EML1: variants seen among roughly 807,000 people sequenced by gnomAD.
EML1 encodes echinoderm microtubule-associated protein-like 1.
EML1 carries 27 observed loss-of-function variants against 110.4 expected under a neutral mutation model. That is an observed-to-expected ratio of 0.24 (90% CI 0.18 to 0.34). The LOEUF is 0.34. Ranked by LOEUF, EML1 falls within the 10% of genes least tolerant of loss-of-function variation. The pLI is 1.00. For missense variants in EML1, 741 were observed against 1,030.9 expected (o/e 0.72, Z 3.85); for synonymous variants, 344 against 385.8 (o/e 0.89, Z 1.27).
At chr14:99,915,072 G>A (rs141962090) in intron 15 of EML1, 8 of 264,464 alleles carry the variant, frequency 3.0e-5, no homozygotes, top group South Asian at 2.4e-4. Flanking sequence ...CTAAACACAC[G>A]ATTGAATATA....
intron 4 of EML1, among the ~76,000 whole-genome samples, chr14:99,885,378 A>G (rs1025455418): frequency 6.6e-6 from 1 of 152,230 alleles, no homozygotes; most frequent in African/African-American, 2.4e-5. Context: ...ACACAGTGTT[A>G]AATATTGGTG....
chr14:99,840,718 A>C (rs751674895), intron 1 of EML1, among the ~76,000 whole-genome samples: 5 of 152,240 alleles, frequency 3.3e-5, no homozygotes, highest in Non-Finnish European at 7.3e-5. Flanking sequence ...TCAGATAACA[A>C]TGTCTTAGTA....
At chr14:99,765,981 G>A (rs968845678) in intron 1 of EML1, among the ~76,000 whole-genome samples, 2 of 152,048 alleles carry the variant, frequency 1.3e-5, no homozygotes, top group Non-Finnish European at 2.9e-5. Context: ...CATGGCTAAC[G>A]ATTAATGGTT....
intron 1 of EML1, among the ~76,000 whole-genome samples, chr14:99,764,883 G>A (rs1257563396): frequency 2.0e-5 from 3 of 152,270 alleles, no homozygotes; most frequent in Non-Finnish European, 4.4e-5. Context: ...TTTTACTATA[G>A]CAAAATATAT....
At chr14:99,840,545 C>T (rs2058616498) in intron 1 of EML1, among the ~76,000 whole-genome samples, 1 of 152,168 alleles carries the variant, frequency 6.6e-6, no homozygotes, top group African/African-American at 2.4e-5. Context: ...AAAGCTTAGG[C>T]CCTGACATAC....
intron 1 of EML1, among the ~76,000 whole-genome samples, chr14:99,777,789 G>A (rs1413038279): frequency 6.6e-6 from 1 of 152,044 alleles, no homozygotes; most frequent in Non-Finnish European, 1.5e-5. Flanking sequence ...GCATTTTTGT[G>A]GGGCAGTTTG....
intron 16 of EML1, among the ~76,000 whole-genome samples, chr14:99,919,494 G>A (rs1423397906): frequency 6.7e-6 from 1 of 150,348 alleles, no homozygotes; most frequent in Non-Finnish European, 1.5e-5. Flanking sequence ...CTTTGAGACA[G>A]GTAAACCTTC....
At chr14:99,783,196 G>A (rs1454969674) in intron 1 of EML1, among the ~76,000 whole-genome samples, 3 of 131,118 alleles carry the variant, frequency 2.3e-5, no homozygotes, top group Non-Finnish European at 4.6e-5. Flanking sequence ...CTGTGTCCAA[G>A]TGTTCTCATT....
chr14:99,902,785 A>G (rs2059783333), intron 9 of EML1, among the ~76,000 whole-genome samples: 1 of 152,178 alleles, frequency 6.6e-6, no homozygotes, highest in African/African-American at 2.4e-5. Flanking sequence ...GGGTCCCAAG[A>G]TAACTTGGGG....
chr14:99,902,773 G>A (rs142467962), intron 9 of EML1, among the ~76,000 whole-genome samples: 4 of 152,078 alleles, frequency 2.6e-5, no homozygotes, highest in African/African-American at 9.7e-5. Flanking sequence ...TCTCCTCTTG[G>A]GGGGTCCCAA....
At chr14:99,785,347 G>A (rs555209968) in intron 1 of EML1, among the ~76,000 whole-genome samples, 6 of 152,250 alleles carry the variant, frequency 3.9e-5, no homozygotes, top group Admixed American at 1.3e-4. Flanking sequence ...TAGCCACCGC[G>A]CCCAGCCTCC....
intron 1 of EML1, among the ~76,000 whole-genome samples, chr14:99,756,347 G>A (rs565189461): frequency 6.6e-6 from 1 of 152,346 alleles, no homozygotes; most frequent in South Asian, 2.1e-4. Flanking sequence ...CCCTGCTGAT[G>A]TAGCAAGGCG....
At chr14:99,800,364 T>A (rs1480677313) in intron 1 of EML1, among the ~76,000 whole-genome samples, 1 of 152,012 alleles carries the variant, frequency 6.6e-6, no homozygotes, top group African/African-American at 2.4e-5. Context: ...GTTTAATTAA[T>A]TATTTATTTT....
chr14:99,885,674 G>C (rs1370768632), intron 4 of EML1, among the ~76,000 whole-genome samples: 1 of 152,162 alleles, frequency 6.6e-6, no homozygotes, highest in Non-Finnish European at 1.5e-5. Context: ...ATTTCAAAAT[G>C]ATAAGTGCTA....
intron 10 of EML1, among the ~76,000 whole-genome samples, chr14:99,908,473 T>C (rs1454405233): frequency 6.6e-6 from 1 of 152,258 alleles, no homozygotes; most frequent in African/African-American, 2.4e-5. Context: ...CCTTGTATTC[T>C]AACCAGGTCT....
intron 15 of EML1, chr14:99,915,071 C>T (rs555556186): frequency 3.4e-5 from 9 of 265,234 alleles, no homozygotes; most frequent in Middle Eastern, 1.3e-3. Flanking sequence ...ACTAAACACA[C>T]GATTGAATAT....
chr14:99,834,023 T>A (rs934294446), intron 1 of EML1, among the ~76,000 whole-genome samples: 2 of 152,212 alleles, frequency 1.3e-5, no homozygotes, highest in Non-Finnish European at 2.9e-5. Context: ...AATATTGAAA[T>A]GTGTGATATT....
chr14:99,749,296 G>C (rs569402927), intron 1 of EML1, among the ~76,000 whole-genome samples: 35 of 152,284 alleles, frequency 2.3e-4, no homozygotes, highest in South Asian at 1.2e-3. Context: ...TGCTGGCTCT[G>C]ACTCCTCACA....
intron 1 of EML1, among the ~76,000 whole-genome samples, chr14:99,817,844 C>T (rs1398511828): frequency 6.6e-6 from 1 of 152,162 alleles, no homozygotes; most frequent in African/African-American, 2.4e-5. Context: ...GCCATGATCA[C>T]AGTAAGCAGA....
Sources: gnomAD v4.1 joint callset for allele counts (sites outside exome capture counted in the v4.1 genomes callset) on GRCh38, gnomAD v4.1.1 for gene constraint, MANE v1.5 for transcripts, NCBI Gene and HGNC (gene_info 2026-07-23, HGNC 2026-07-21) for gene names.